Variants in UVRAG observed in about 807,000 individuals in gnomAD.
UVRAG encodes the protein UV radiation resistance-associated gene protein.
In UVRAG, 19 loss-of-function variants were observed where a neutral mutation model predicts 78.0. The observed-to-expected ratio is 0.24, with a 90% confidence interval of 0.17 to 0.36. UVRAG has a LOEUF of 0.36. Ranked by LOEUF, UVRAG falls within the 10% of genes least tolerant of loss-of-function variation. The probability of loss-of-function intolerance (pLI) is 1.00; values close to 1 mark genes in which losing one functional copy is unlikely to be tolerated. For missense variants in UVRAG, 740 were observed against 853.8 expected (o/e 0.87, Z 1.66); for synonymous variants, 323 against 324.6 (o/e 1.00, Z 0.05).
chr11:75,992,439 C>T (rs1259644454), intron 8 of UVRAG, among the ~76,000 whole-genome samples: 1 of 152,116 alleles, frequency 6.6e-6, no homozygotes, highest in Admixed American at 6.5e-5. Context: ...TTGTATTCCC[C>T]TGGACTATTA....
chr11:76,141,665 A>C lies in UVRAG; in HGVS notation c.*252A>C, dbSNP rs1386020797. The C allele has an allele frequency of 9.9e-6, 5 of 506,572 alleles. No individual in the cohort carries two copies. The highest frequency in any genetic ancestry group is 1.7e-5 in the Non-Finnish European group (5 of 285,924). The allele number at this position is 506,572 out of a possible 1,614,324, so 31.4% of individuals were successfully genotyped here. A position where few individuals can be genotyped will look rare whatever the true frequency, so the allele number is the denominator to read the frequency against. ...GCAAAAATCACCCTCTAGTTGAAAG[A>C]GCTTACAGCTCGAGTCACCTTTTAG... On this transcript the variant is annotated 3_prime_UTR_variant, in exon 15 of 15. Transcript: ENST00000356136.
At chr11:75,922,833 T>C (rs1948005974) in intron 6 of UVRAG, among the ~76,000 whole-genome samples, 1 of 151,102 alleles carries the variant, frequency 6.6e-6, no homozygotes, top group Admixed American at 6.6e-5. Context: ...CTGTAATTCC[T>C]GAGGCAGGAG....
chr11:75,838,216 C>T (rs1377764342), intron 1 of UVRAG, among the ~76,000 whole-genome samples: 1 of 152,072 alleles, frequency 6.6e-6, no homozygotes, highest in Admixed American at 6.5e-5. Context: ...AATTTAGTCC[C>T]CTATTGATGT....
intron 5 of UVRAG, among the ~76,000 whole-genome samples, chr11:75,904,792 C>T (rs141339600): frequency 2.2e-3 from 339 of 152,216 alleles, no homozygotes; most frequent in African/African-American, 8.0e-3. Flanking sequence ...TAACAGCTAA[C>T]GTTGACATGT....
intron 7 of UVRAG, among the ~76,000 whole-genome samples, chr11:75,982,284 G>T (rs1192718045): frequency 3.9e-5 from 6 of 152,194 alleles, no homozygotes; most frequent in African/African-American, 1.4e-4. Context: ...TGGCTAAGTG[G>T]CAGGGGAGAA....
chr11:76,130,301 G>A (rs191300053), intron 14 of UVRAG, among the ~76,000 whole-genome samples: 79 of 152,300 alleles, frequency 5.2e-4, no homozygotes, highest in Middle Eastern at 3.4e-3. Context: ...TGACATTGAT[G>A]TATGTGATGT....
intron 12 of UVRAG, among the ~76,000 whole-genome samples, chr11:76,064,285 A>G (rs1475190534): frequency 6.6e-6 from 1 of 152,258 alleles, no homozygotes; most frequent in Non-Finnish European, 1.5e-5. Flanking sequence ...TAGACAGCAC[A>G]GAGGTTTAGG....
At chr11:75,823,823 G>C in intron 1 of UVRAG, among the ~76,000 whole-genome samples, 1 of 152,230 alleles carries the variant, frequency 6.6e-6, no homozygotes, top group Middle Eastern at 3.4e-3. Flanking sequence ...GATTTAGTAG[G>C]AACTCATGTA....
intron 7 of UVRAG, among the ~76,000 whole-genome samples, chr11:75,980,655 C>CT (rs35123497): frequency 2.7e-5 from 4 of 148,834 alleles, no homozygotes; most frequent in Middle Eastern, 3.5e-3. Flanking sequence ...TGCCTTTTCT[C>CT]TTTTTTCCTT....
chr11:75,882,997 A>G (rs749105455), intron 4 of UVRAG, among the ~76,000 whole-genome samples: 6 of 152,096 alleles, frequency 3.9e-5, no homozygotes, highest in Non-Finnish European at 5.9e-5. Flanking sequence ...TTTTGCTACC[A>G]GGTACTTGTT....
chr11:76,009,422 T>C (rs775306634), intron 11 of UVRAG, among the ~76,000 whole-genome samples: 5 of 152,214 alleles, frequency 3.3e-5, no homozygotes, highest in Non-Finnish European at 5.9e-5. Flanking sequence ...TAAAATCTTT[T>C]GTTTTTCCTA....
chr11:76,133,941 T>C (rs943789609), intron 14 of UVRAG, among the ~76,000 whole-genome samples: 94 of 151,390 alleles, frequency 6.2e-4, no homozygotes, highest in Non-Finnish European at 5.0e-4. Flanking sequence ...ATACTTTTTT[T>C]TTTCTTTTTT....
chr11:75,862,983 T>C (rs980553973), intron 3 of UVRAG, among the ~76,000 whole-genome samples: 3 of 152,226 alleles, frequency 2.0e-5, no homozygotes, highest in African/African-American at 7.2e-5. Flanking sequence ...GAACAACCTG[T>C]AAAGTAGATG....
rs1950334359 is a variant in UVRAG at position 76,026,819 on chromosome 11, A to G, written c.1226+9839A>G. On this transcript the variant is annotated intron_variant, in intron 12 of 14. Transcript: ENST00000356136. ...AGGGTGACTAATACTACTGAAATGA[A>G]TGAAAATTGTTAGTTCTTTTGGATT... Among the ~76,000 whole-genome samples, 2 of 152,146 alleles carry G rather than the reference A, an allele frequency of 1.3e-5. 1 individual carries two copies. Among genetic ancestry groups the G allele is most frequent in the South Asian group, 4.1e-4 (2 of 4,832 alleles).
intron 3 of UVRAG, among the ~76,000 whole-genome samples, chr11:75,878,006 G>A (rs1352576624): frequency 1.4e-5 from 2 of 147,984 alleles, no homozygotes; most frequent in Admixed American, 6.7e-5. Flanking sequence ...GGGCGGAGAC[G>A]CTCCTCACTT....
At chr11:76,007,723 A>G in intron 10 of UVRAG, 102 bp downstream of exon 10, 1 of 845,002 alleles carries the variant, frequency 1.2e-6, no homozygotes, top group Non-Finnish European at 1.9e-6. Context: ...GCTTAATCAT[A>G]TGCTCTGTCA....
At chr11:76,049,247 G>A (rs760451177) in intron 12 of UVRAG, among the ~76,000 whole-genome samples, 14 of 152,126 alleles carry the variant, frequency 9.2e-5, no homozygotes, top group Non-Finnish European at 1.8e-4. Context: ...CATGACAGTG[G>A]ATTTTTCAAA....
chr11:76,069,253 TG>T (rs1951255287), intron 13 of UVRAG, among the ~76,000 whole-genome samples: 1 of 152,244 alleles, frequency 6.6e-6, no homozygotes, highest in South Asian at 2.1e-4. Flanking sequence ...CTGAGAGCAC[TG>T]GTAAGGCCTG....
intron 12 of UVRAG, among the ~76,000 whole-genome samples, chr11:76,061,252 A>T (rs1440741616): frequency 2.6e-5 from 4 of 152,058 alleles, no homozygotes; most frequent in Admixed American, 2.6e-4. Context: ...TCTAGTGGGG[A>T]GGTGGAGAAC....
Sources: allele counts gnomAD v4.1 joint callset (sites outside exome capture counted in the v4.1 genomes callset), GRCh38; gene constraint gnomAD v4.1.1; transcripts MANE v1.5; gene names NCBI Gene and HGNC (gene_info 2026-07-23, HGNC 2026-07-21).